PCSK2: variants seen among roughly 807,000 people sequenced by gnomAD.
PCSK2 encodes the protein neuroendocrine convertase 2.
In PCSK2, 14 loss-of-function variants were observed where a neutral mutation model predicts 69.7. The ratio of observed to expected loss-of-function variants is 0.20; its 90% CI spans 0.13 to 0.31. The LOEUF is 0.31. PCSK2 is among the 10% of genes least tolerant of loss of function. The pLI is 1.00. For missense variants in PCSK2, 544 were observed against 842.5 expected, an observed-to-expected ratio of 0.65 and a Z score of 4.39; for synonymous variants, 307 against 320.7, an observed-to-expected ratio of 0.96 and a Z score of 0.46.
intron 2 of PCSK2, among the ~76,000 whole-genome samples, chr20:17,347,824 GAAAGAAAGAAAGAAAGAAAGAAAGA>G (rs1568612006): frequency 3.0e-4 from 38 of 126,692 alleles, no homozygotes; most frequent in African/African-American, 1.1e-3. Context: ...AAGAAAGAAA[GAAAGAAAGAAAGAAAGAAAGAAAGA>G]AAGAAAGAAA....
chr20:17,247,446 C>T (rs1986810664), intron 1 of PCSK2, among the ~76,000 whole-genome samples: 1 of 152,176 alleles, frequency 6.6e-6, no homozygotes, highest in African/African-American at 2.4e-5. Flanking sequence ...AGCAGTCCCT[C>T]TTACAAATAA....
chr20:17,341,282 T>C (rs947920603), intron 2 of PCSK2, among the ~76,000 whole-genome samples: 4 of 152,090 alleles, frequency 2.6e-5, no homozygotes, highest in Non-Finnish European at 4.4e-5. Context: ...TTAAATTGAA[T>C]CTCTTCCTAC....
intron 10 of PCSK2, among the ~76,000 whole-genome samples, chr20:17,458,935 C>T (rs1277486261): frequency 6.6e-6 from 1 of 152,044 alleles, no homozygotes; most frequent in African/African-American, 2.4e-5. Context: ...TTAGGTTTCT[C>T]TCATATGACC....
At chr20:17,310,751 G>A (rs894197425) in intron 2 of PCSK2, among the ~76,000 whole-genome samples, 6 of 151,146 alleles carry the variant, frequency 4.0e-5, no homozygotes, top group Admixed American at 1.3e-4. Flanking sequence ...CAGCACTTTG[G>A]GAGGCCGAGG....
At chr20:17,347,862 GGAGAGAGAAAA>G (rs1434870934) in intron 2 of PCSK2, among the ~76,000 whole-genome samples, 1,863 of 45,276 alleles carry the variant, frequency 0.041, 180 homozygotes, top group East Asian at 0.14. Flanking sequence ...GAAAGAAAGA[GGAGAGAGAAAA>G]AAGAAAGAAA....
rs1184065413 is a variant in PCSK2, at chr20:17,456,348, G to A, written c.1102G>A (p.Ala368Thr). 2 of 1,593,648 alleles carry A rather than the reference G, an allele frequency of 1.3e-6. No individual in the cohort carries two copies. Among genetic ancestry groups the A allele is most frequent in the East Asian group, 2.2e-5 (1 of 44,770 alleles). ...GRKRNPEAGV[A>T]TTDLYGNCTL... ...CATTACTCATTATCTTCCCTTCCAGGCAACCACAGATTTGTACGGCAACTG... is the reference window on the plus strand; with the variant it reads ...CATTACTCATTATCTTCCCTTCCAGACAACCACAGATTTGTACGGCAACTG... Residue 368 changes from alanine (A) to threonine (T), a missense_variant and splice_region_variant, in exon 10 of 12, where the codon GCA becomes ACA. Physicochemically the swap from Ala to Thr is moderately conservative, Grantham distance 58. Coordinates refer to ENST00000262545, the MANE Select transcript of PCSK2 (RefSeq NM_002594.5).
chr20:17,292,174 C>T (rs906228703), intron 2 of PCSK2, among the ~76,000 whole-genome samples: 5 of 152,218 alleles, frequency 3.3e-5, no homozygotes, highest in African/African-American at 1.2e-4. Flanking sequence ...TTCATAGAGT[C>T]CTCACTCCAA....
chr20:17,453,451 T>A lies in PCSK2; in HGVS notation c.886-291T>A, dbSNP rs150949321. 6.6e-3 allele frequency among the ~76,000 whole-genome samples: 1,013 copies of A among 152,338 alleles called. 3 individuals are homozygous for A. The highest frequency in any genetic ancestry group is 0.027 in the Middle Eastern group (8 of 294). On this transcript the variant is annotated intron_variant, in intron 8 of 11. Coordinates refer to ENST00000262545, the MANE Select transcript of PCSK2 (RefSeq NM_002594.5). This position sits in a 1 kb window ranked among gnomAD's most constrained non-coding sequence, Gnocchi z 4.0. ...GCATGTACCACCTTTCTAGCTTTTT[T>A]AAAAAGCAGTTTATTTGTAAATTTT...
At chr20:17,481,388 CAAAAAAAA>C (rs3076146) in intron 11 of PCSK2, among the ~76,000 whole-genome samples, 188 bp from the exon 12 acceptor site, 7,945 of 65,478 alleles carry the variant, frequency 0.12, 284 homozygotes, top group East Asian at 0.26. Flanking sequence ...TCTCAAAAGA[CAAAAAAAA>C]AAAAAAAAAA....
chr20:17,389,932 C>T (rs1224653306), intron 5 of PCSK2, among the ~76,000 whole-genome samples: 1 of 151,990 alleles, frequency 6.6e-6, no homozygotes, highest in African/African-American at 2.4e-5. Flanking sequence ...TCAAGAGAAA[C>T]AAAAAGGTAT....
chr20:17,424,486 C>T lies in PCSK2; in HGVS notation c.621-4949C>T, dbSNP rs34784113. Reference sequence around the variant, plus strand: ...TAAAGATTTATGTTGTTTCTTGGCGCGGAGGGGGTTGTTTTTTGTTTTTTG... The same window carrying T: ...TAAAGATTTATGTTGTTTCTTGGCGTGGAGGGGGTTGTTTTTTGTTTTTTG... On this transcript the variant is annotated intron_variant, in intron 6 of 11. Coordinates refer to ENST00000262545, the MANE Select transcript of PCSK2 (RefSeq NM_002594.5). 2.3e-3 allele frequency among the ~76,000 whole-genome samples: 351 copies of T among 152,070 alleles called. 1 individual carries two copies. Among genetic ancestry groups the T allele is most frequent in the Middle Eastern group, 0.01 (3 of 294 alleles).
At chr20:17,415,638 A>G (rs908525358) in intron 6 of PCSK2, among the ~76,000 whole-genome samples, 1 of 152,192 alleles carries the variant, frequency 6.6e-6, no homozygotes, top group African/African-American at 2.4e-5. Flanking sequence ...TGCCATCCCC[A>G]TCAAGCTACC....
At chr20:17,282,763 G>A (rs1475015069) in intron 2 of PCSK2, among the ~76,000 whole-genome samples, 7 of 151,284 alleles carry the variant, frequency 4.6e-5, no homozygotes. Context: ...AAAAAAAAAA[G>A]AAAGGGTTAT....
chr20:17,480,960 G>A (rs961967576), intron 11 of PCSK2, among the ~76,000 whole-genome samples: 10 of 152,204 alleles, frequency 6.6e-5, no homozygotes, highest in Non-Finnish European at 2.9e-5. Context: ...CGTGCCTGGG[G>A]TGGGAAGCAG....
At chr20:17,395,065 T>C (rs182748409) in intron 5 of PCSK2, among the ~76,000 whole-genome samples, 107 of 152,136 alleles carry the variant, frequency 7.0e-4, no homozygotes, top group African/African-American at 2.1e-3. Flanking sequence ...ACTTTTTTTT[T>C]CCCCAGCTAT....
chr20:17,451,446 G>C (rs1399242224), intron 8 of PCSK2, among the ~76,000 whole-genome samples: 1 of 152,158 alleles, frequency 6.6e-6, no homozygotes. Context: ...CTGTCAGCAG[G>C]GGCAGTGAAT....
At chr20:17,321,098 G>C (rs879743496) in intron 2 of PCSK2, among the ~76,000 whole-genome samples, 1 of 152,128 alleles carries the variant, frequency 6.6e-6, no homozygotes, top group Non-Finnish European at 1.5e-5. Flanking sequence ...CTTAAATAAA[G>C]TATTTGTTTT....
intron 2 of PCSK2, among the ~76,000 whole-genome samples, chr20:17,356,232 T>C (rs776850398): frequency 1.3e-5 from 2 of 152,224 alleles, no homozygotes; most frequent in East Asian, 3.8e-4. Flanking sequence ...TTTGCCGTTA[T>C]AAAAATACCC....
chr20:17,468,818 C>T (rs2033152347), intron 11 of PCSK2, among the ~76,000 whole-genome samples: 1 of 127,878 alleles, frequency 7.8e-6, no homozygotes, highest in African/African-American at 2.6e-5. Flanking sequence ...GGTCAGCATC[C>T]TCCCAAGGGC....
Sources: allele counts gnomAD v4.1 joint callset (sites outside exome capture counted in the v4.1 genomes callset), GRCh38; gene constraint gnomAD v4.1.1; non-coding constraint Gnocchi (gnomAD v3.1); transcripts MANE v1.5; gene names NCBI Gene and HGNC (gene_info 2026-07-23, HGNC 2026-07-21).